The following KIAA1210 variants were observed in gnomAD, a reference collection of about 807,000 sequenced individuals.
The protein encoded by KIAA1210 is acrosomal protein KIAA1210.
In KIAA1210, 48 loss-of-function variants were observed where a neutral mutation model predicts 78.9. The observed-to-expected ratio is 0.61, with a 90% CI of 0.48 to 0.77. The LOEUF is 0.77. KIAA1210 is among the 30% of genes least tolerant of loss of function. The probability of loss-of-function intolerance (pLI) is 0.00; values close to 1 mark genes in which losing one functional copy is unlikely to be tolerated. For synonymous variants in KIAA1210, 406 were observed against 404.5 expected (o/e 1.00, Z -0.04); for missense variants, 1,108 against 1,100.0 (o/e 1.01, Z -0.10).
In KIAA1210 at chrX:119,088,431, G is replaced by A; in HGVS notation, c.2271C>T (p.Gly757=). The change falls in exon 9 of 12, where the codon GGC becomes GGT. Residue 757 remains glycine, a synonymous_variant. Transcript: ENST00000691062. ...VQQQVPTSSV[G]TSIKQSDSVE... is the part of the protein sequence containing the mutation. The stretch of plus-strand genomic sequence containing the variant: ...CGGAATCGCTCTGTTTTATAGAAGT[G>A]CCCACTGAACTGGTGGGGACTTGTT... 8.3e-7 allele frequency: 1 copy of A among 1,210,764 alleles called. No individual in the cohort carries two copies. Among genetic ancestry groups the A allele is most frequent in the Non-Finnish European group, 1.1e-6 (1 of 894,691 alleles).
rs953785398 is a variant in KIAA1210, at chrX:119,080,440, G to C, written c.*889C>G. The C allele has an allele frequency of 9.0e-6, 1 of 111,644 alleles. No homozygotes were observed. Among genetic ancestry groups the C allele is most frequent in the Admixed American group, 9.5e-5 (1 of 10,567 alleles). 9.2% of individuals were successfully genotyped at this position (111,644 alleles called of 1,213,427 possible). ...GAACTGGCTGTGCAGAAATTTTCTT[G>C]GAGACCCAGAATTTTCACTTCCACC... On this transcript the variant is annotated 3_prime_UTR_variant, in exon 12 of 12. Transcript: ENST00000691062.
At chrX:119,124,151 A>G (rs776295021) in intron 1 of KIAA1210, among the ~76,000 whole-genome samples, 4 of 111,851 alleles carry the variant, frequency 3.6e-5, no homozygotes, top group Non-Finnish European at 7.5e-5. Context: ...CGCATGCCAC[A>G]ACACCCAACT....
chrX:119,099,905 T>A (rs1235404279), intron 6 of KIAA1210, among the ~76,000 whole-genome samples: 2 of 111,758 alleles, frequency 1.8e-5, no homozygotes, highest in African/African-American at 6.5e-5. Flanking sequence ...TTTTCAAATA[T>A]GAGTACAGCA....
rs751010902 is a variant in KIAA1210, at chrX:119,096,475, T to C, written c.846+19A>G. On this transcript the variant is annotated intron_variant, in intron 7 of 11. Coordinates refer to ENST00000691062, the MANE Select transcript of KIAA1210 (RefSeq NM_001394962.1). ...TTTCTTATACAGGAGTTTAGTGCCCTGTCTCTTGAAGGACTTACAATCACT... is the reference window on the plus strand; with the variant it reads ...TTTCTTATACAGGAGTTTAGTGCCCCGTCTCTTGAAGGACTTACAATCACT... 3 of 1,185,622 alleles carry C rather than the reference T, an allele frequency of 2.5e-6. No homozygotes were observed. Among genetic ancestry groups the C allele is most frequent in the East Asian group, 3.0e-5 (1 of 33,697 alleles).
intron 1 of KIAA1210, among the ~76,000 whole-genome samples, chrX:119,148,332 T>C (rs1929216451): frequency 9.0e-6 from 1 of 111,577 alleles, no homozygotes; most frequent in Admixed American, 9.5e-5. Flanking sequence ...AGGAGTCTAA[T>C]CTTTGTATTG....
At chrX:119,132,826 G>C (rs747078240) in intron 2 of KIAA1210, among the ~76,000 whole-genome samples, 83 of 111,331 alleles carry the variant, frequency 7.5e-4, no homozygotes, top group Admixed American at 4.9e-3. Context: ...CTTGTTGGGG[G>C]GGTCTTGCTA....
chrX:119,099,182 T>C, intron 6 of KIAA1210, among the ~76,000 whole-genome samples: 2 of 112,830 alleles, frequency 1.8e-5, no homozygotes, highest in Non-Finnish European at 3.7e-5. Context: ...ATAAAGAACT[T>C]TCAATTCAGT....
At chrX:119,140,693 C>T (rs930739703) in intron 2 of KIAA1210, among the ~76,000 whole-genome samples, 3 of 111,898 alleles carry the variant, frequency 2.7e-5, no homozygotes, top group Non-Finnish European at 5.6e-5. Flanking sequence ...TAAAATAAGT[C>T]TCAGGATCAT....
chrX:119,094,770 G>A (rs1032393832), intron 7 of KIAA1210, among the ~76,000 whole-genome samples: 13 of 111,524 alleles, frequency 1.2e-4, no homozygotes, highest in Non-Finnish European at 2.4e-4. Context: ...GTCAGAGAGA[G>A]AGTCACAGGG....
chrX:119,150,230 G>A, intron 1 of KIAA1210: 4 of 1,103,256 alleles, frequency 3.6e-6, no homozygotes, highest in Non-Finnish European at 4.9e-6. Context: ...TCCCTTCTCA[G>A]ACTTGAGTCA....
upstream of KIAA1210, among the ~76,000 whole-genome samples, chrX:119,131,540 C>T (rs12687676): frequency 0.37 from 41,201 of 110,744 alleles, 5,783 homozygotes; most frequent in East Asian, 0.69. Flanking sequence ...CATGTACCCC[C>T]GAACCTAAAA....
At chrX:119,097,916 G>C (rs1927607364) in intron 6 of KIAA1210, among the ~76,000 whole-genome samples, 1 of 111,730 alleles carries the variant, frequency 9.0e-6, no homozygotes, top group Non-Finnish European at 1.9e-5. Flanking sequence ...TTTCATCTAT[G>C]AATTTATATA....
Position 119,105,024 on chromosome X carries a change from CCTT to C in KIAA1210, c.613_615del (p.Lys205del). 1 of 1,209,658 alleles carries C rather than the reference CCTT, an allele frequency of 8.3e-7. No homozygotes were observed. The highest frequency in any genetic ancestry group is 1.8e-5 in the South Asian group (1 of 56,550). ...GCTGTCAAACTCTTATGTGGTAAAG[CCTT>C]CTTTTGTGGATTCTTAGGTGACTCA... On this transcript the variant is annotated inframe_deletion, in exon 6 of 12. Transcript: ENST00000691062.
intron 2 of KIAA1210, among the ~76,000 whole-genome samples, chrX:119,118,472 G>T (rs1434257135): frequency 8.9e-6 from 1 of 112,408 alleles, no homozygotes; most frequent in Non-Finnish European, 1.9e-5. Context: ...CTTCAAAATG[G>T]TTATGTATAT....
Position 119,096,517 on chromosome X carries a change from G to A in KIAA1210, c.823C>T (p.Gln275Ter). ...RHKMTLNPRK[Q>*]KKNLQVIVEP... is the part of the protein sequence containing the mutation. ...ACAATCACTTGAAGGTTCTTCTTTT[G>A]TTTGCGGGGATTTAAAGTCATTTTG... Residue 275 changes from glutamine (Q) to a stop codon, truncating the protein, a stop_gained, in exon 7 of 12, where the codon CAA becomes TAA. Coordinates refer to ENST00000691062, the MANE Select transcript of KIAA1210 (RefSeq NM_001394962.1). LOFTEE classifies it high-confidence loss of function. 1 of 1,209,939 alleles carries A rather than the reference G, an allele frequency of 8.3e-7. No individual in the cohort carries two copies. The highest frequency in any genetic ancestry group is 1.1e-6 in the Non-Finnish European group (1 of 894,447).
At chrX:119,150,334 G>A in exon 1 of KIAA1210, 2 of 1,207,715 alleles carry the variant, frequency 1.7e-6, no homozygotes, top group Non-Finnish European at 2.2e-6. Context: ...AGGGCAGGAA[G>A]CCCCGGGAAT....
chrX:119,133,445 C>T (rs996947281), intron 2 of KIAA1210, among the ~76,000 whole-genome samples: 2 of 111,328 alleles, frequency 1.8e-5, no homozygotes, highest in African/African-American at 6.5e-5. Flanking sequence ...CAGGTTCCAC[C>T]CAGGATACAA....
At position 119,088,640 on chromosome X, in the gene KIAA1210, CA is replaced by C. The variant is rs759733345; in HGVS notation, c.2061del (p.Asp688MetfsTer56). ...SSSYVEKYNT[S>X]DDCSSSEEDL... Reference sequence around the variant, plus strand: ...TCTTCCTCTGAGCTGCTGCAATCATCAGAAGTGTTGTACTTTTCAACATAAC... The same window carrying C: ...TCTTCCTCTGAGCTGCTGCAATCATCGAAGTGTTGTACTTTTCAACATAAC... On this transcript the variant is annotated frameshift_variant, in exon 9 of 12. Transcript: ENST00000691062. LOFTEE classifies it high-confidence loss of function. The C allele has an allele frequency of 1.7e-6, 2 of 1,211,416 alleles. No individual in the cohort carries two copies. Among genetic ancestry groups the C allele is most frequent in the African/African-American group, 1.7e-5 (1 of 57,818 alleles).
chrX:119,106,484 A>G (rs1225894856), intron 5 of KIAA1210, among the ~76,000 whole-genome samples: 1 of 111,661 alleles, frequency 9.0e-6, no homozygotes, highest in African/African-American at 3.3e-5. Context: ...TAATTATAAG[A>G]GCCAGAAAAG....
Sources: allele counts gnomAD v4.1 joint callset (sites outside exome capture counted in the v4.1 genomes callset), GRCh38; gene constraint gnomAD v4.1.1; transcripts MANE v1.5; gene names NCBI Gene and HGNC (gene_info 2026-07-23, HGNC 2026-07-21).